The following MYO1D variants were observed in gnomAD, a reference collection of about 807,000 sequenced individuals.
MYO1D encodes unconventional myosin-Id.
A neutral mutation model predicts 122.0 loss-of-function variants in MYO1D; 83 were observed. The ratio of observed to expected loss-of-function variants is 0.68; its 90% CI spans 0.57 to 0.82. MYO1D has a LOEUF of 0.82. Ranked by LOEUF, MYO1D falls within the 40% of genes least tolerant of loss-of-function variation. MYO1D has a pLI of 0.00. For missense variants in MYO1D, 1,157 were observed against 1,269.5 expected (o/e 0.91, Z 1.35); for synonymous variants, 464 against 446.9 (o/e 1.04, Z -0.48).
chr17:32,789,910 C>T (rs190523898), intron 1 of MYO1D, among the ~76,000 whole-genome samples: 8 of 152,296 alleles, frequency 5.3e-5, no homozygotes, highest in African/African-American at 1.9e-4. Context: ...TGAGACAATA[C>T]ACTTCTTTAT....
chr17:32,514,897 C>T (rs929110867), intron 21 of MYO1D, among the ~76,000 whole-genome samples: 1 of 152,144 alleles, frequency 6.6e-6, no homozygotes, highest in South Asian at 2.1e-4. Context: ...GGGAAGAATA[C>T]AAGGTTTGGA....
chr17:32,537,257 A>G (rs550528872), intron 21 of MYO1D, among the ~76,000 whole-genome samples: 1 of 152,196 alleles, frequency 6.6e-6, no homozygotes, highest in Non-Finnish European at 1.5e-5. Context: ...TTATTCTTCT[A>G]TATCAGGGGC....
intron 16 of MYO1D, 51 bp downstream of exon 16, chr17:32,711,937 T>C: frequency 7.0e-7 from 1 of 1,422,250 alleles, no homozygotes; most frequent in East Asian, 2.5e-5. Context: ...CAACAAATTT[T>C]TAAGAACTTA....
chr17:32,581,579 C>T (rs1030614951), intron 21 of MYO1D, among the ~76,000 whole-genome samples: 7 of 149,044 alleles, frequency 4.7e-5, no homozygotes, highest in African/African-American at 1.7e-4. Flanking sequence ...CTCTCGCTCT[C>T]TTTTTTTTTC....
chr17:32,762,288 G>A (rs778736342), intron 8 of MYO1D, among the ~76,000 whole-genome samples: 2 of 152,170 alleles, frequency 1.3e-5, no homozygotes, highest in Non-Finnish European at 2.9e-5. Context: ...AGAAAGGGGG[G>A]CTGGGTATAG....
chr17:32,790,097 C>T (rs117921017), intron 1 of MYO1D, among the ~76,000 whole-genome samples: 22 of 152,262 alleles, frequency 1.4e-4, no homozygotes, highest in Admixed American at 2.6e-4. Flanking sequence ...TGATAGTGAA[C>T]GGTGTTAGCA....
intron 11 of MYO1D, among the ~76,000 whole-genome samples, chr17:32,750,395 C>T (rs575689702): frequency 5.9e-5 from 9 of 152,124 alleles, no homozygotes; most frequent in African/African-American, 1.9e-4. Context: ...GGGCGGATTC[C>T]GAGGTCAGGA....
At chr17:32,523,621 C>T (rs754168183) in intron 21 of MYO1D, among the ~76,000 whole-genome samples, 2 of 151,956 alleles carry the variant, frequency 1.3e-5, no homozygotes, top group Non-Finnish European at 2.9e-5. Flanking sequence ...CTAGCCTGGG[C>T]AACATGGAGA....
At chr17:32,705,039 TC>T (rs2089289384) in intron 16 of MYO1D, among the ~76,000 whole-genome samples, 1 of 152,098 alleles carries the variant, frequency 6.6e-6, no homozygotes, top group African/African-American at 2.4e-5. Flanking sequence ...AAAAAAGAGA[TC>T]TTTCTACTCA....
chr17:32,541,713 C>T (rs1910841646), intron 21 of MYO1D, among the ~76,000 whole-genome samples: 1 of 152,138 alleles, frequency 6.6e-6, no homozygotes, highest in Non-Finnish European at 1.5e-5. Context: ...TGCACAGGAC[C>T]TGGCACGCAG....
chr17:32,659,306 G>C lies in MYO1D; in HGVS notation c.2154C>G (p.Tyr718Ter). Residue 718 changes from tyrosine (Y) to a stop codon, truncating the protein, a stop_gained, in exon 17 of 22, where the codon TAC becomes TAG. Coordinates refer to ENST00000318217, the MANE Select transcript of MYO1D (RefSeq NM_015194.3). LOFTEE classifies it high-confidence loss of function. ...TTGTCAGAGCTGCCTTGGTTCTTTT[G>C]TACCGCATGCGGGCCAGGGTGCCCC... is the stretch of plus-strand genomic sequence containing the variant. ...VWRGTLARMR[Y>*]KRTKAALTII... is the part of the protein sequence containing the mutation. The C allele has an allele frequency of 1.2e-6, 2 of 1,614,178 alleles. No individual in the cohort carries two copies. Among genetic ancestry groups the C allele is most frequent in the Middle Eastern group, 1.7e-4 (1 of 6,052 alleles).
At chr17:32,688,635 A>G (rs1244990855) in intron 16 of MYO1D, among the ~76,000 whole-genome samples, 1 of 152,186 alleles carries the variant, frequency 6.6e-6, no homozygotes, top group Non-Finnish European at 1.5e-5. Context: ...GTTCAGTAAA[A>G]ACAAACAATG....
rs774595278 is a variant in MYO1D, at chr17:32,876,843, G to A, written c.30C>T (p.Gly10=). The A allele has an allele frequency of 1.3e-6, 2 of 1,518,626 alleles. No individual in the cohort carries two copies. Among genetic ancestry groups the A allele is most frequent in the South Asian group, 1.2e-5 (1 of 80,404 alleles). 94.1% of individuals were successfully genotyped at this position (1,518,626 alleles called of 1,614,324 possible). Reference sequence around the variant, plus strand: ...TGTCCATCAGCACGAAGTCTGCCTTGCCGAATTCCAGGCTCTCCTGCTCCG... The same window carrying A: ...TGTCCATCAGCACGAAGTCTGCCTTACCGAATTCCAGGCTCTCCTGCTCCG... The part of the protein sequence containing the change: MAEQESLEF[G]KADFVLMDTV... Residue 10 remains glycine (G), a synonymous_variant, in exon 1 of 22, where the codon GGC becomes GGT. Coordinates refer to ENST00000318217, the MANE Select transcript of MYO1D (RefSeq NM_015194.3).
intron 21 of MYO1D, among the ~76,000 whole-genome samples, chr17:32,521,512 C>T (rs1331423592): frequency 6.6e-6 from 1 of 152,104 alleles, no homozygotes; most frequent in Non-Finnish European, 1.5e-5. Flanking sequence ...GTAGCCATAG[C>T]GTCAAGGAAT....
At chr17:32,593,642 A>C (rs923763078) in intron 21 of MYO1D, among the ~76,000 whole-genome samples, 2 of 152,234 alleles carry the variant, frequency 1.3e-5, no homozygotes, top group African/African-American at 4.8e-5. Context: ...ATATAAAGAA[A>C]AGTTATATAT....
At chr17:32,758,985 G>A (rs1481637707) in intron 10 of MYO1D, among the ~76,000 whole-genome samples, 1 of 152,040 alleles carries the variant, frequency 6.6e-6, no homozygotes, top group African/African-American at 2.4e-5. Context: ...GATTGTGAAA[G>A]GATATTTTTG....
At chr17:32,676,421 G>T (rs1244903458) in intron 16 of MYO1D, among the ~76,000 whole-genome samples, 2 of 144,158 alleles carry the variant, frequency 1.4e-5, no homozygotes, top group East Asian at 2.0e-4. Flanking sequence ...TTTTGTATAT[G>T]AAAATAAACT....
chr17:32,707,649 A>G (rs1160414314), intron 16 of MYO1D, among the ~76,000 whole-genome samples: 1 of 152,160 alleles, frequency 6.6e-6, no homozygotes, highest in African/African-American at 2.4e-5. Context: ...GGTGTCTGGG[A>G]ACTTGCTGGT....
At chr17:32,828,515 C>CAAAAAAAAAA (rs137921871) in intron 1 of MYO1D, among the ~76,000 whole-genome samples, 10 of 71,802 alleles carry the variant, frequency 1.4e-4, no homozygotes, top group Non-Finnish European at 1.8e-4. Flanking sequence ...GACTCCGTCT[C>CAAAAAAAAAA]AAAAAAAAAA....
Sources: gnomAD v4.1 joint callset for allele counts (sites outside exome capture counted in the v4.1 genomes callset) on GRCh38, gnomAD v4.1.1 for gene constraint, MANE v1.5 for transcripts, NCBI Gene and HGNC (gene_info 2026-07-23, HGNC 2026-07-21) for gene names.